CD109: variants seen among roughly 807,000 people sequenced by gnomAD.
CD109 encodes CD109 molecule.
Under a neutral mutation model 165.8 loss-of-function variants are expected in CD109, and 149 were observed. That is an observed-to-expected ratio of 0.90 (90% CI 0.79 to 1.03). The LOEUF (loss-of-function observed/expected upper bound fraction) is 1.03, where lower values mean the gene tolerates loss of function less well. CD109 is among the 50% of genes least tolerant of loss of function. CD109 has a pLI of 0.00. For synonymous variants in CD109, 585 were observed against 592.1 expected, an observed-to-expected ratio of 0.99 and a Z score of 0.18; for missense variants, 1,712 against 1,677.8, an observed-to-expected ratio of 1.02 and a Z score of -0.36.
chr6:73,728,426 T>C (rs958060351), intron 3 of CD109, among the ~76,000 whole-genome samples: 2 of 152,210 alleles, frequency 1.3e-5, no homozygotes, highest in Non-Finnish European at 2.9e-5. Flanking sequence ...TTATTAACTT[T>C]TCAAATATAC....
intron 24 of CD109, among the ~76,000 whole-genome samples, chr6:73,805,510 T>C (rs905901390): frequency 6.6e-6 from 1 of 152,174 alleles, no homozygotes; most frequent in Non-Finnish European, 1.5e-5. Context: ...TGCCTTCCTC[T>C]TATCTCAACT....
chr6:73,708,009 T>C lies in CD109; in HGVS notation c.247+10437T>C, dbSNP rs1331398224. Among the ~76,000 whole-genome samples, 9 of 136,776 alleles carry C rather than the reference T, an allele frequency of 6.6e-5. No individual in the cohort carries two copies. In the South Asian group the frequency reaches 2.1e-3, roughly 32 times the overall value. 89.7% of individuals were successfully genotyped at this position (136,776 alleles called of 152,430 possible). ...ATATATATATATATATATATATATA[T>C]TTATTATACTTTATGTCCTAGGGTA... On this transcript the variant is annotated intron_variant, in intron 2 of 32. Transcript: ENST00000287097.
At position 73,766,016 on chromosome 6, in the gene CD109, T is replaced by A. The variant is rs1451063873; in HGVS notation, c.1194T>A (p.Tyr398Ter). 1 of 1,613,868 alleles carries A rather than the reference T, an allele frequency of 6.2e-7. No homozygotes were observed. Among genetic ancestry groups the A allele is most frequent in the African/African-American group, 1.3e-5 (1 of 74,924 alleles). The change falls in exon 11 of 33, where the codon TAT becomes TAA. Residue 398 changes from tyrosine (Y) to a stop codon, truncating the protein, a stop_gained. Transcript: ENST00000287097. LOFTEE classifies it high-confidence loss of function. ...NVVITVTQRN[Y>*]TEYWSGSNSG... ...TCATAACAGTGACACAGAGAAACTA[T>A]ACTGAGTACTGGAGCGGATCTAACA...
At chr6:73,781,835 A>ACACCC (rs150665697) in intron 17 of CD109, among the ~76,000 whole-genome samples, 1 of 144,328 alleles carries the variant, frequency 6.9e-6, no homozygotes, top group African/African-American at 2.6e-5. Flanking sequence ...ACACACACAC[A>ACACCC]CCCCTCATCA....
At chr6:73,742,257 T>C (rs1278494742) in intron 5 of CD109, among the ~76,000 whole-genome samples, 4 of 147,948 alleles carry the variant, frequency 2.7e-5, no homozygotes, top group Non-Finnish European at 6.0e-5. Context: ...AGCAGAATCA[T>C]ACAGGATCTC....
upstream of CD109, chr6:73,695,162 A>G (rs878888942): frequency 6.6e-6 from 1 of 152,348 alleles, no homozygotes; most frequent in East Asian, 1.9e-4. Flanking sequence ...AAACCGCTCC[A>G]TGAATTAGAA....
chr6:73,811,078 G>A lies in CD109; in HGVS notation c.3633G>A (p.Gly1211=). Residue 1211 remains glycine, a synonymous_variant, in exon 28 of 33, where the codon GGG becomes GGA. Coordinates refer to ENST00000287097, the MANE Select transcript of CD109 (RefSeq NM_133493.5). The part of the protein sequence containing the change: ...ERTNIQVTVT[G]PSSPSPVKFL... ...CAAATATCCAAGTGACCGTGACGGG[G>A]CCTAGCTCACCAAGTCCTGTAAAGT... The A allele has an allele frequency of 6.2e-7, 1 of 1,613,448 alleles. No individual in the cohort carries two copies. Among genetic ancestry groups the A allele is most frequent in the Non-Finnish European group, 8.5e-7 (1 of 1,179,628 alleles).
At chr6:73,728,181 C>T (rs1457291008) in intron 3 of CD109, among the ~76,000 whole-genome samples, 1 of 152,100 alleles carries the variant, frequency 6.6e-6, no homozygotes, top group African/African-American at 2.4e-5. Context: ...ATTAGCTAGG[C>T]ATGGTGGCGC....
At chr6:73,687,916 G>A in the CD109 span, among the ~76,000 whole-genome samples, 3 of 152,208 alleles carry the variant, frequency 2.0e-5, no homozygotes, top group Non-Finnish European at 2.9e-5. Flanking sequence ...GGGATCTGAA[G>A]CAAAAGTTTA....
chr6:73,823,880 G>T lies in CD109; in HGVS notation c.*247G>T. ...TATTTTCCCCTCTCAAAATCTTTTA[G>T]AATTTTTTTGGAGGTGTTTGTTTTC... On this transcript the variant is annotated 3_prime_UTR_variant, in exon 33 of 33. Coordinates refer to ENST00000287097, the MANE Select transcript of CD109 (RefSeq NM_133493.5). The T allele has an allele frequency of 3.1e-6, 1 of 327,340 alleles. No homozygotes were observed. The highest frequency in any genetic ancestry group is 5.6e-6 in the Non-Finnish European group (1 of 180,024). 20.3% of individuals were successfully genotyped at this position (327,340 alleles called of 1,614,324 possible).
At position 73,762,386 on chromosome 6, in the gene CD109, A is replaced by G. The variant is rs563439014; in HGVS notation, c.761A>G (p.Tyr254Cys). 6.3e-7 allele frequency: 1 copy of G among 1,581,150 alleles called. No individual in the cohort carries two copies. The highest frequency in any genetic ancestry group is 1.3e-5 in the African/African-American group (1 of 74,348). The change falls in exon 8 of 33, where the codon TAT becomes TGT. Residue 254 changes from tyrosine to cysteine, a missense_variant and splice_region_variant. Tyr to Cys is a radical substitution (Grantham distance 194). Coordinates refer to ENST00000287097, the MANE Select transcript of CD109 (RefSeq NM_133493.5). ...KHLNGTITAK[Y>C]TYGKPVKGDV... The stretch of plus-strand genomic sequence containing the variant: ...AGACTATGTTTATAATTATTCAGGT[A>G]TACATATGGGAAGCCAGTGAAAGGA...
chr6:73,821,038 C>T (rs541481754), intron 32 of CD109, among the ~76,000 whole-genome samples: 12 of 152,200 alleles, frequency 7.9e-5, no homozygotes, highest in African/African-American at 2.9e-4. Flanking sequence ...GGAAACCATT[C>T]TCAGCAAACT....
At chr6:73,690,441 G>C in the CD109 span, among the ~76,000 whole-genome samples, 1 of 152,112 alleles carries the variant, frequency 6.6e-6, no homozygotes, top group South Asian at 2.1e-4. Flanking sequence ...CGCTCTTGTT[G>C]TCCAGGCTGG....
chr6:73,780,130 A>T (rs1774423368), intron 15 of CD109, among the ~76,000 whole-genome samples: 1 of 152,054 alleles, frequency 6.6e-6, no homozygotes, highest in South Asian at 2.1e-4. Context: ...TTTAATGCTG[A>T]CCTCTGCCTG....
At chr6:73,781,342 C>T in intron 17 of CD109, 23 bp downstream of exon 17, 18 of 1,590,146 alleles carry the variant, frequency 1.1e-5, no homozygotes, top group Non-Finnish European at 1.5e-5. Context: ...TGGCGACATG[C>T]TTGTATTTGT....
chr6:73,818,260 A>G, intron 30 of CD109, 128 bp from the exon 31 acceptor site: 1 of 898,842 alleles, frequency 1.1e-6, no homozygotes. Flanking sequence ...CTCTATAGGG[A>G]ATTTTATTTG....
chr6:73,773,568 T>C (rs920842158), intron 15 of CD109, among the ~76,000 whole-genome samples: 5 of 152,212 alleles, frequency 3.3e-5, no homozygotes, highest in African/African-American at 1.2e-4. Flanking sequence ...TTATGCGTTC[T>C]ATTTTTGTTA....
At chr6:73,751,750 C>A (rs148955641) in intron 5 of CD109, among the ~76,000 whole-genome samples, 1 of 152,290 alleles carries the variant, frequency 6.6e-6, no homozygotes, top group Non-Finnish European at 1.5e-5. Flanking sequence ...GAAATGAGGG[C>A]CAAGCAACTC....
chr6:73,710,474 T>A (rs541524162), intron 2 of CD109, among the ~76,000 whole-genome samples: 1 of 152,156 alleles, frequency 6.6e-6, no homozygotes, highest in African/African-American at 2.4e-5. Context: ...CATTCCATGC[T>A]CATGGGTAGG....
Sources: allele counts gnomAD v4.1 joint callset (sites outside exome capture counted in the v4.1 genomes callset), GRCh38; gene constraint gnomAD v4.1.1; transcripts MANE v1.5; gene names NCBI Gene and HGNC (gene_info 2026-07-23, HGNC 2026-07-21).